Variants in ZNF681 observed in about 807,000 individuals in gnomAD.
ZNF681 encodes zinc finger protein 681, also known as hypothetical protein FLJ31526.
A neutral mutation model predicts 56.0 loss-of-function variants in ZNF681; 37 were observed. That is an observed-to-expected ratio of 0.66 (90% CI 0.51 to 0.87). The LOEUF (loss-of-function observed/expected upper bound fraction) is 0.87. ZNF681 is among the 40% of genes least tolerant of loss of function. ZNF681 has a pLI of 0.00. For synonymous variants in ZNF681, 225 were observed against 248.6 expected, an observed-to-expected ratio of 0.91 and a Z score of 0.89; for missense variants, 741 against 744.9, an observed-to-expected ratio of 0.99 and a Z score of 0.06.
At chr19:23,753,822 A>G (rs1002998113) in intron 3 of ZNF681, among the ~76,000 whole-genome samples, 5 of 142,926 alleles carry the variant, frequency 3.5e-5, no homozygotes, top group Admixed American at 7.5e-5. Context: ...AGATTGTGCC[A>G]CTGCACTTCA....
At position 23,744,182 on chromosome 19, in the gene ZNF681, C is replaced by T. The variant is rs775255054; in HGVS notation, c.1368G>A (p.Gly456=). The T allele has an allele frequency of 6.2e-7, 1 of 1,602,320 alleles. No individual in the cohort carries two copies. The highest frequency in any genetic ancestry group is 1.7e-5 in the Admixed American group (1 of 58,718). ...GGTTTGAGAACTGGTTAAAGGCTTT[C>T]CCACATTCTTCACATTTGTATGGTT... ...EEKPYKCEEC[G]KAFNQFSNLT... The change falls in exon 4 of 4, where the codon GGG becomes GGA. Residue 456 remains glycine (G), a synonymous_variant. Transcript: ENST00000402377.
chr19:23,757,310 G>A (rs966126853), intron 1 of ZNF681, among the ~76,000 whole-genome samples: 28 of 152,140 alleles, frequency 1.8e-4, no homozygotes, highest in Admixed American at 1.6e-3. Flanking sequence ...CACCCTGGGA[G>A]CTGGTACTGT....
Position 23,744,190 on chromosome 19 carries a change from C to A in ZNF681, c.1360G>T (p.Glu454Ter). The A allele has an allele frequency of 6.2e-7, 1 of 1,613,334 alleles. No homozygotes were observed. The highest frequency in any genetic ancestry group is 1.3e-5 in the African/African-American group (1 of 74,896). Residue 454 changes from glutamate (E) to a stop codon, truncating the protein, a stop_gained, in exon 4 of 4, where the codon GAA (glutamate) becomes TAA (stop). Transcript: ENST00000402377. LOFTEE classifies it high-confidence loss of function. ...HTEEKPYKCE[E>*]CGKAFNQFSN... ...AACTGGTTAAAGGCTTTCCCACATT[C>A]TTCACATTTGTATGGTTTCTCTTCA...
At chr19:23,756,488 G>A (rs1969120691) in intron 1 of ZNF681, among the ~76,000 whole-genome samples, 1 of 152,156 alleles carries the variant, frequency 6.6e-6, no homozygotes, top group Non-Finnish European at 1.5e-5. Context: ...CATGTATTTT[G>A]CAGGGACCAT....
At chr19:23,745,347 T>C (rs1181298795) in intron 3 of ZNF681, 24 bp from the exon 4 acceptor site, 1 of 1,479,338 alleles carries the variant, frequency 6.8e-7, no homozygotes, top group South Asian at 1.5e-5. Context: ...AAATAACAAA[T>C]GACTCCACTT....
intron 1 of ZNF681, among the ~76,000 whole-genome samples, chr19:23,758,327 G>A (rs1461751237): frequency 6.6e-6 from 1 of 152,124 alleles, no homozygotes; most frequent in East Asian, 1.9e-4. Flanking sequence ...CCAAAGTGCT[G>A]GAATTACACG....
At chr19:23,748,321 T>A (rs1391810966) in intron 3 of ZNF681, among the ~76,000 whole-genome samples, 1 of 152,204 alleles carries the variant, frequency 6.6e-6, no homozygotes, top group African/African-American at 2.4e-5. Context: ...GCAAACTGTT[T>A]ATCATGAATG....
At position 23,743,682 on chromosome 19, in the gene ZNF681, C is replaced by A. The variant is rs780023687; in HGVS notation, c.1868G>T (p.Cys623Phe). The change falls in exon 4 of 4, where the codon TGT (cysteine) becomes TTT (phenylalanine). Residue 623 changes from cysteine to phenylalanine, a missense_variant. Cys to Phe is a radical substitution (Grantham distance 205). Transcript: ENST00000402377. Reference sequence around the variant, plus strand: ...TGAAGTGTTTTCAAAATCACTGTTACATCTTTTAGGTTTGTAGAGTTTCTC... The same window carrying A: ...TGAAGTGTTTTCAAAATCACTGTTAAATCTTTTAGGTTTGTAGAGTTTCTC... ...TGEKLYKPKR[C>F]NSDFENTSKF... 3.8e-6 allele frequency: 6 copies of A among 1,594,920 alleles called. No homozygotes were observed. Among genetic ancestry groups the A allele is most frequent in the Admixed American group, 1.8e-5 (1 of 55,942 alleles).
intron 3 of ZNF681, among the ~76,000 whole-genome samples, chr19:23,753,603 C>T (rs941554381): frequency 6.6e-6 from 1 of 152,240 alleles, no homozygotes; most frequent in Non-Finnish European, 1.5e-5. Context: ...TGGCTCACAC[C>T]TGTAATCCCA....
Position 23,758,849 on chromosome 19 carries a change from A to G in ZNF681, c.-100T>C. ...GGGCCTCTAGAAGAAGAGGACACAG[A>G]GCAGTGAAGACGAGACCCGGAGCTC... On this transcript the variant is annotated 5_prime_UTR_variant, in exon 1 of 4. Transcript: ENST00000402377. 1 of 1,547,074 alleles carries G rather than the reference A, an allele frequency of 6.5e-7. No individual in the cohort carries two copies. Among genetic ancestry groups the G allele is most frequent in the South Asian group, 1.1e-5 (1 of 87,244 alleles).
intron 3 of ZNF681, among the ~76,000 whole-genome samples, chr19:23,746,986 T>A (rs990514548): frequency 6.6e-6 from 1 of 152,096 alleles, no homozygotes; most frequent in African/African-American, 2.4e-5. Context: ...TAGCCAGGCA[T>A]GGTAGTGCAT....
chr19:23,755,219 A>T (rs1451728438), intron 2 of ZNF681, among the ~76,000 whole-genome samples: 1 of 152,166 alleles, frequency 6.6e-6, no homozygotes, highest in African/African-American at 2.4e-5. Flanking sequence ...AAGAATACAG[A>T]TTAGCTCAGG....
At chr19:23,757,073 G>C (rs1475848990) in intron 1 of ZNF681, among the ~76,000 whole-genome samples, 1 of 151,938 alleles carries the variant, frequency 6.6e-6, no homozygotes, top group Non-Finnish European at 1.5e-5. Flanking sequence ...CTTTCACCAT[G>C]TTGGCCAGGC....
intron 3 of ZNF681, among the ~76,000 whole-genome samples, chr19:23,750,602 G>A (rs1202604062): frequency 6.6e-6 from 1 of 152,076 alleles, no homozygotes; most frequent in Non-Finnish European, 1.5e-5. Context: ...AGCACTTAGG[G>A]AGACTGAGGT....
intron 3 of ZNF681, among the ~76,000 whole-genome samples, chr19:23,749,982 C>T (rs1365489782): frequency 6.7e-6 from 1 of 149,644 alleles, no homozygotes; most frequent in African/African-American, 2.5e-5. Flanking sequence ...CACTGAAAAT[C>T]AACTAAGAAA....
In ZNF681 at chr19:23,744,631, C is replaced by G. The variant is rs1414156007; in HGVS notation, c.919G>C (p.Glu307Gln). Reference protein sequence around the residue: ...LTTHKIIHTREKLNEYKECGK... With the variant: ...LTTHKIIHTRQKLNEYKECGK... ...CATTCCTTATATTCATTGAGTTTCT[C>G]TCTGGTATGAATTATCTTATGTGTA... Residue 307 changes from glutamate to glutamine, a missense_variant, in exon 4 of 4, where the codon GAG becomes CAG. Coordinates refer to ENST00000402377, the MANE Select transcript of ZNF681 (RefSeq NM_138286.3). 2 of 1,595,658 alleles carry G rather than the reference C, an allele frequency of 1.3e-6. No homozygotes were observed. Among genetic ancestry groups the G allele is most frequent in the Admixed American group, 3.4e-5 (2 of 59,186 alleles).
In ZNF681 at chr19:23,740,271, A is replaced by T; in HGVS notation, c.*3341T>A. 6.6e-6 allele frequency: 1 copy of T among 152,160 alleles called. No homozygotes were observed. Among genetic ancestry groups the T allele is most frequent in the East Asian group, 1.9e-4 (1 of 5,188 alleles). 9.4% of individuals were successfully genotyped at this position (152,160 alleles called of 1,614,324 possible). On this transcript the variant is annotated 3_prime_UTR_variant, in exon 4 of 4. Transcript: ENST00000402377. ...TTCTCATCAAAACCTACAATATACC[A>T]TGTGAAATGACATGGTGTGAAGAGA...
At chr19:23,753,837 G>A (rs1969072525) in intron 3 of ZNF681, among the ~76,000 whole-genome samples, 1 of 127,452 alleles carries the variant, frequency 7.8e-6, no homozygotes, top group Non-Finnish European at 1.6e-5. Flanking sequence ...ACTTCAGCCT[G>A]GAGAAAGAGC....
At chr19:23,745,422 TGG>T (rs1288703699) in intron 3 of ZNF681, 99 bp from the exon 4 acceptor site, 1 of 1,002,844 alleles carries the variant, frequency 1.0e-6, no homozygotes, top group African/African-American at 1.7e-5. Context: ...ATAAGCAAGA[TGG>T]TATAGCAAAA....
Sources: allele counts gnomAD v4.1 joint callset (sites outside exome capture counted in the v4.1 genomes callset), GRCh38; gene constraint gnomAD v4.1.1; transcripts MANE v1.5; gene names NCBI Gene and HGNC (gene_info 2026-07-23, HGNC 2026-07-21).